The following PRH1 variants were observed in gnomAD, a reference collection of about 807,000 sequenced individuals.
The protein encoded by PRH1 is salivary acidic proline-rich phosphoprotein 1/2.
Under a neutral mutation model 7.9 loss-of-function variants are expected in PRH1, and 7 were observed. The ratio of observed to expected loss-of-function variants is 0.89; its 90% CI spans 0.50 to 1.67. PRH1 has a LOEUF of 1.67. PRH1 is among the 40% of genes most tolerant of loss of function. The pLI, the probability that PRH1 is intolerant of heterozygous loss-of-function variation, is 0.00. For synonymous variants in PRH1, 45 were observed against 80.8 expected (o/e 0.56, Z 2.38); for missense variants, 109 against 223.6 (o/e 0.49, Z 3.27).
chr12:11,151,784 T>G (rs576787528), intron 1 of PRH1, among the ~76,000 whole-genome samples: 2 of 152,350 alleles, frequency 1.3e-5, no homozygotes, highest in African/African-American at 4.8e-5. Flanking sequence ...TCTATTATAA[T>G]TGGGTACTAA....
chr12:11,070,405 G>A, intron 1 of PRH1, among the ~76,000 whole-genome samples: 1 of 147,074 alleles, frequency 6.8e-6, no homozygotes, highest in Non-Finnish European at 1.5e-5. Context: ...CCACCCTAAG[G>A]GGCTGAATCA....
intron 1 of PRH1, among the ~76,000 whole-genome samples, chr12:11,104,597 G>A (rs1945357615): frequency 7.0e-6 from 1 of 143,812 alleles, no homozygotes; most frequent in Non-Finnish European, 1.5e-5. Context: ...TCCATTTGGA[G>A]GACTGAGACA....
In PRH1 at chr12:10,908,964, G is replaced by C. The variant is rs763645850; in HGVS notation, c.-58-24689C>G. On this transcript the variant is annotated intron_variant, in intron 2 of 3. Transcript: ENST00000539853. ...GAGAAAAGCAGGGCTAGAGAAACTC[G>C]CTATTTTGAGCAAATAAAAGATGCT... 5 of 1,613,382 alleles carry C rather than the reference G, an allele frequency of 3.1e-6. No individual in the cohort carries two copies. In the Admixed American group the frequency reaches 5.0e-5, roughly 16 times the overall value.
intron 2 of PRH1, chr12:10,931,221 G>C (rs1254443134): frequency 6.7e-7 from 1 of 1,492,756 alleles, no homozygotes; most frequent in African/African-American, 1.4e-5. Flanking sequence ...CAAATATTCT[G>C]GGATAAGGTA....
At chr12:11,168,294 A>G (rs1357593154) in intron 1 of PRH1, among the ~76,000 whole-genome samples, 1 of 47,982 alleles carries the variant, frequency 2.1e-5, no homozygotes, top group Non-Finnish European at 5.1e-5. Flanking sequence ...GAAAGAAAGA[A>G]AGAAAGAAGG....
chr12:11,119,859 G>A (rs993408291), downstream of PRH1, among the ~76,000 whole-genome samples: 2 of 152,102 alleles, frequency 1.3e-5, no homozygotes, highest in Non-Finnish European at 2.9e-5. Context: ...CTGAAATGTG[G>A]TCACCAATCA....
chr12:10,965,871 A>G (rs1938475980), intron 2 of PRH1, among the ~76,000 whole-genome samples: 1 of 152,214 alleles, frequency 6.6e-6, no homozygotes, highest in Non-Finnish European at 1.5e-5. Context: ...TAAATAGACA[A>G]AATCCAAACT....
chr12:11,012,094 C>T (rs575020520), intron 1 of PRH1, among the ~76,000 whole-genome samples: 4 of 152,064 alleles, frequency 2.6e-5, no homozygotes, highest in African/African-American at 9.6e-5. Context: ...TGTAAATATT[C>T]CTTGGGCACT....
chr12:11,115,470 T>G (rs1945706182), intron 1 of PRH1, among the ~76,000 whole-genome samples: 2 of 152,172 alleles, frequency 1.3e-5, no homozygotes, highest in African/African-American at 4.8e-5. Flanking sequence ...AACACTCCAC[T>G]TTCAGCATCA....
At chr12:11,072,716 T>TAAG in intron 1 of PRH1, among the ~76,000 whole-genome samples, 1 of 151,680 alleles carries the variant, frequency 6.6e-6, no homozygotes, top group Non-Finnish European at 1.5e-5. Context: ...CTCTCTAGGA[T>TAAG]GTGGTATCTT....
chr12:10,986,371 C>A, intron 1 of PRH1: 1 of 1,613,978 alleles, frequency 6.2e-7, no homozygotes, highest in East Asian at 2.2e-5. Flanking sequence ...TTCATCTTCC[C>A]AGTCATGTTT....
chr12:11,062,225 T>G lies in PRH1; in HGVS notation n.124-15037A>C, dbSNP rs200879009. On this transcript the variant is annotated intron_variant and non_coding_transcript_variant, in intron 1 of 4. Coordinates refer to the PRH1 transcript ENST00000541977. ...GAATTTACCAATGCTATGAAGCCAT[T>G]AGCAAAATTTCCAATCACAAATGTA... 136 of 1,613,152 alleles carry G rather than the reference T, an allele frequency of 8.4e-5. No individual in the cohort carries two copies. Among genetic ancestry groups the G allele is most frequent in the Non-Finnish European group, 1.1e-4 (125 of 1,179,530 alleles).
intron 2 of PRH1, among the ~76,000 whole-genome samples, chr12:10,958,933 A>G (rs953384739): frequency 2.0e-5 from 3 of 152,226 alleles, no homozygotes; most frequent in Non-Finnish European, 4.4e-5. Flanking sequence ...TTGCGTTTTT[A>G]CAGGTTCTCT....
At chr12:11,136,924 A>AT (rs779470747) in intron 1 of PRH1, among the ~76,000 whole-genome samples, 4 of 152,106 alleles carry the variant, frequency 2.6e-5, no homozygotes, top group Non-Finnish European at 5.9e-5. Flanking sequence ...GTTTTTATAA[A>AT]TTTTTAGTAT....
chr12:11,113,288 G>A (rs1472539864), intron 1 of PRH1, among the ~76,000 whole-genome samples: 1 of 152,142 alleles, frequency 6.6e-6, no homozygotes, highest in Admixed American at 6.5e-5. Flanking sequence ...AAAGCAGGAG[G>A]CATCACACTA....
At chr12:11,022,162 A>G in intron 1 of PRH1, 1 of 1,613,972 alleles carries the variant, frequency 6.2e-7, no homozygotes, top group Non-Finnish European at 8.5e-7. Context: ...CAGAAATACC[A>G]AGGGCCCCAA....
chr12:11,057,564 G>C (rs1220996356), intron 1 of PRH1, among the ~76,000 whole-genome samples: 1 of 152,170 alleles, frequency 6.6e-6, no homozygotes. Flanking sequence ...CTAAGGAATG[G>C]AACTGGTCAC....
chr12:11,025,974 T>A (rs1941890742), intron 1 of PRH1, among the ~76,000 whole-genome samples: 1 of 152,100 alleles, frequency 6.6e-6, no homozygotes, highest in South Asian at 2.1e-4. Flanking sequence ...GAGTTTTTAG[T>A]TTTTTGTTTT....
rs1232108682 is a variant in PRH1, at chr12:11,079,436, A to T, written n.124-32248T>A. ...AATGCCACTGCCTTATCTACACTAA[A>T]TCAGCCAAACTAGCTTCAAGATGCA... On this transcript the variant is annotated intron_variant and non_coding_transcript_variant, in intron 1 of 4. Transcript: ENST00000541977. Among the ~76,000 whole-genome samples, 4 of 117,784 alleles carry T rather than the reference A, an allele frequency of 3.4e-5. 1 individual carries two copies. The highest frequency in any genetic ancestry group is 1.1e-4 in the African/African-American group (4 of 35,112). The allele number at this position is 117,784 out of a possible 152,430, so 77.3% of individuals were successfully genotyped here.
Sources: allele counts gnomAD v4.1 joint callset (sites outside exome capture counted in the v4.1 genomes callset), GRCh38; gene constraint gnomAD v4.1.1; transcripts MANE v1.5; gene names NCBI Gene and HGNC (gene_info 2026-07-23, HGNC 2026-07-21).